The following COL6A6 variants were observed in gnomAD, a reference collection of about 807,000 sequenced individuals.
COL6A6 encodes the protein collagen type VI alpha 6 chain.
In COL6A6, 183 loss-of-function variants were observed where a neutral mutation model predicts 208.6. That is an observed-to-expected ratio of 0.88 (90% CI 0.78 to 0.99). The LOEUF (loss-of-function observed/expected upper bound fraction) is 0.99. Among genes scored for constraint, COL6A6 ranks in the 50% least tolerant of loss-of-function variants. The pLI, the probability that COL6A6 is intolerant of heterozygous loss-of-function variation, is 0.00. For missense variants in COL6A6, 2,816 were observed against 2,815.2 expected, an observed-to-expected ratio of 1.00 and a Z score of -0.01; for synonymous variants, 973 against 1,011.8, an observed-to-expected ratio of 0.96 and a Z score of 0.73.
rs1275099490 is a variant in COL6A6 at position 130,627,384 on chromosome 3, C to T, written c.4992+15C>T. The T allele has an allele frequency of 1.9e-6, 3 of 1,612,218 alleles. No homozygotes were observed. On this transcript the variant is annotated intron_variant, in intron 26 of 36. Coordinates refer to ENST00000358511, the MANE Select transcript of COL6A6 (RefSeq NM_001102608.3). The stretch of plus-strand genomic sequence containing the variant: ...AGGGAGCAAAGGTAAGTCAAGTCTG[C>T]TGGAAGCTGGACGTTTTCCATTTAT...
At chr3:130,611,338 C>G (rs77769252) in intron 23 of COL6A6, among the ~76,000 whole-genome samples, 8,062 of 152,270 alleles carry the variant, frequency 0.053, 238 homozygotes, top group South Asian at 0.055. Context: ...TTCTGCACTT[C>G]TAGGGCATTC....
intron 1 of COL6A6, among the ~76,000 whole-genome samples, chr3:130,545,745 C>A (rs774881209): frequency 6.6e-6 from 1 of 152,224 alleles, no homozygotes; most frequent in Non-Finnish European, 1.5e-5. Flanking sequence ...GCGTGAGCCA[C>A]TGTGCCCGGA....
rs1340991159 is a variant in COL6A6, at chr3:130,568,604, G to C, written c.2401G>C (p.Glu801Gln). The change falls in exon 6 of 37, where the codon GAA becomes CAA. Residue 801 changes from glutamate (E) to glutamine (Q), a missense_variant and splice_region_variant. Glu to Gln is a conservative substitution (Grantham distance 29). Coordinates refer to ENST00000358511, the MANE Select transcript of COL6A6 (RefSeq NM_001102608.3). Reference protein sequence around the residue: ...LVFGICSPREECKRIEVLDVV... With the variant: ...LVFGICSPREQCKRIEVLDVV... Reference sequence around the variant, plus strand: ...TTTTGGAATATGCAGCCCCCGTGAAGGTAGGCATGGGCATACTCACTAGCA... The same window carrying C: ...TTTTGGAATATGCAGCCCCCGTGAACGTAGGCATGGGCATACTCACTAGCA... 2 of 1,592,380 alleles carry C rather than the reference G, an allele frequency of 1.3e-6. No individual in the cohort carries two copies. Among genetic ancestry groups the C allele is most frequent in the Non-Finnish European group, 1.7e-6 (2 of 1,175,504 alleles).
intron 1 of COL6A6, among the ~76,000 whole-genome samples, chr3:130,550,570 A>T (rs2107797547): frequency 6.6e-6 from 1 of 152,310 alleles, no homozygotes; most frequent in African/African-American, 2.4e-5. Flanking sequence ...TCATGGATGG[A>T]GGTGAAAGGC....
At position 130,658,718 on chromosome 3, in the gene COL6A6, G is replaced by A. The variant is rs747777867; in HGVS notation, c.5776G>A (p.Gly1926Arg). 18 of 1,612,986 alleles carry A rather than the reference G, an allele frequency of 1.1e-5. No individual in the cohort carries two copies. Among genetic ancestry groups the A allele is most frequent in the Admixed American group, 5.0e-5 (3 of 59,918 alleles). Residue 1926 changes from glycine to arginine, a missense_variant, in exon 34 of 37, where the codon GGG (glycine) becomes AGG (arginine). By Grantham distance (125) the Gly-to-Arg change is moderately radical. Transcript: ENST00000358511. ...ATTTCAAGTAATAGTGGTTCCCTCC[G>A]GGGCCGACTACATACCAGCATTAGA... is the stretch of plus-strand genomic sequence containing the variant. ...GTFQVIVVPS[G>R]ADYIPALERL...
intron 36 of COL6A6, among the ~76,000 whole-genome samples, chr3:130,665,717 A>C (rs2066058695): frequency 6.6e-6 from 1 of 152,208 alleles, no homozygotes; most frequent in Non-Finnish European, 1.5e-5. Context: ...CTAGCTAATA[A>C]ATGTAGAAGG....
intron 36 of COL6A6, among the ~76,000 whole-genome samples, chr3:130,673,463 CGGGGA>C (rs2066282652): frequency 7.8e-6 from 1 of 127,628 alleles, no homozygotes; most frequent in African/African-American, 2.9e-5. Flanking sequence ...ACGGAAAAGG[CGGGGA>C]GGTGGGGAGA....
chr3:130,586,284 C>G lies in COL6A6; in HGVS notation c.3971-222C>G, dbSNP rs111747098. On this transcript the variant is annotated intron_variant, in intron 10 of 36. Coordinates refer to ENST00000358511, the MANE Select transcript of COL6A6 (RefSeq NM_001102608.3). The stretch of plus-strand genomic sequence containing the variant: ...AACTGGAAGTTGTGTTACAATTTTC[C>G]CTGTCTCCAATTTATTTAGTTTTGA... Among the ~76,000 whole-genome samples, 548 of 152,196 alleles carry G rather than the reference C, an allele frequency of 3.6e-3. 1 individual carries two copies. The highest frequency in any genetic ancestry group is 0.018 in the South Asian group (86 of 4,822).
intron 18 of COL6A6, among the ~76,000 whole-genome samples, chr3:130,597,013 T>A (rs1404867964): frequency 6.6e-6 from 1 of 152,238 alleles, no homozygotes. Context: ...ACCAACTGTC[T>A]GTATGCAATT....
intron 21 of COL6A6, among the ~76,000 whole-genome samples, chr3:130,607,745 A>G (rs1309120903): frequency 1.3e-5 from 2 of 152,242 alleles, no homozygotes; most frequent in East Asian, 3.8e-4. Flanking sequence ...AGAATTTTAT[A>G]CCTAGCTAAA....
intron 36 of COL6A6, 40 bp downstream of exon 36, chr3:130,665,136 C>G (rs2066042382): frequency 7.4e-7 from 1 of 1,345,472 alleles, no homozygotes. Flanking sequence ...TGAGAATGCC[C>G]CCTGCCTTTC....
chr3:130,622,836 G>A (rs1454941619), intron 24 of COL6A6, among the ~76,000 whole-genome samples: 3 of 151,914 alleles, frequency 2.0e-5, no homozygotes, highest in South Asian at 2.1e-4. Flanking sequence ...CAGCCTGGGC[G>A]ACAGAGCGAG....
At chr3:130,552,598 C>G (rs1396979132) in intron 1 of COL6A6, among the ~76,000 whole-genome samples, 1 of 152,174 alleles carries the variant, frequency 6.6e-6, no homozygotes, top group East Asian at 1.9e-4. Flanking sequence ...CTTAATCCAA[C>G]TTGCCACTCT....
At chr3:130,671,519 A>G (rs778727732) in intron 36 of COL6A6, among the ~76,000 whole-genome samples, 1 of 152,202 alleles carries the variant, frequency 6.6e-6, no homozygotes, top group African/African-American at 2.4e-5. Flanking sequence ...CAGCCATTCT[A>G]TAAGTGATCA....
chr3:130,574,104 C>G lies in COL6A6; in HGVS notation c.3126C>G (p.Ala1042=). 3.1e-6 allele frequency: 5 copies of G among 1,613,880 alleles called. No homozygotes were observed. The highest frequency in any genetic ancestry group is 4.2e-6 in the Non-Finnish European group (5 of 1,179,874). ...VSLNRVRIGA[A]QFSDTYHPEF... ...TCAACAGAGTGCGAATAGGAGCGGCCCAGTTTAGCGATACCTATCACCCGG... is the reference window on the plus strand; with the variant it reads ...TCAACAGAGTGCGAATAGGAGCGGCGCAGTTTAGCGATACCTATCACCCGG... Residue 1042 remains alanine, a synonymous_variant, in exon 8 of 37, where the codon GCC becomes GCG. Coordinates refer to ENST00000358511, the MANE Select transcript of COL6A6 (RefSeq NM_001102608.3).
chr3:130,529,220 G>A (rs1467849398), intron 1 of COL6A6, among the ~76,000 whole-genome samples: 1 of 148,470 alleles, frequency 6.7e-6, no homozygotes, highest in Non-Finnish European at 1.5e-5. Context: ...ATCATCAGTT[G>A]ACCAATAGCT....
At chr3:130,606,586 T>G (rs1018863505) in intron 20 of COL6A6, among the ~76,000 whole-genome samples, 5 of 152,152 alleles carry the variant, frequency 3.3e-5, no homozygotes, top group South Asian at 4.1e-4. Context: ...ATAAAAGAAA[T>G]AAAATTCAAA....
At chr3:130,548,951 G>A (rs542620878) in intron 1 of COL6A6, among the ~76,000 whole-genome samples, 2 of 152,258 alleles carry the variant, frequency 1.3e-5, no homozygotes, top group South Asian at 4.1e-4. Context: ...TTTTCAGTTT[G>A]TTCAGCTTTT....
intron 20 of COL6A6, among the ~76,000 whole-genome samples, chr3:130,600,763 T>G (rs1439173644): frequency 1.3e-5 from 2 of 152,128 alleles, no homozygotes; most frequent in Non-Finnish European, 2.9e-5. Context: ...CTAATGCATG[T>G]GGGGCATAAA....
Sources: allele counts gnomAD v4.1 joint callset (sites outside exome capture counted in the v4.1 genomes callset), GRCh38; gene constraint gnomAD v4.1.1; transcripts MANE v1.5; gene names NCBI Gene and HGNC (gene_info 2026-07-23, HGNC 2026-07-21).